MIOS: variants seen among roughly 807,000 people sequenced by gnomAD.
The protein encoded by MIOS is meiosis regulator for oocyte development, also known as GATOR2 complex protein MIOS.
MIOS carries 52 observed loss-of-function variants against 96.9 expected under a neutral mutation model. The observed-to-expected ratio is 0.54, with a 90% confidence interval of 0.43 to 0.68. The LOEUF is 0.68. Among genes scored for constraint, MIOS ranks in the 30% least tolerant of loss-of-function variants. The pLI is 0.00. For missense variants in MIOS, 1,005 were observed against 1,052.8 expected (o/e 0.95, Z 0.63); for synonymous variants, 397 against 359.5 (o/e 1.10, Z -1.18).
At chr7:7,600,064 C>T (rs1784325131) in intron 11 of MIOS, among the ~76,000 whole-genome samples, 1 of 151,972 alleles carries the variant, frequency 6.6e-6, no homozygotes, top group African/African-American at 2.4e-5. Context: ...CTGTCGGGTA[C>T]TATGTTTATT....
At chr7:7,591,065 C>G (rs932845645) in intron 9 of MIOS, among the ~76,000 whole-genome samples, 4 of 152,118 alleles carry the variant, frequency 2.6e-5, no homozygotes, top group African/African-American at 9.7e-5. Context: ...TATTTATTCA[C>G]TTATTTACCA....
At position 7,608,285 on chromosome 7, in the gene MIOS, G is replaced by T. The variant is rs558022312; in HGVS notation, c.*1193G>T. 14 of 152,190 alleles carry T rather than the reference G, an allele frequency of 9.2e-5. No homozygotes were observed. Among genetic ancestry groups the T allele is most frequent in the African/African-American group, 3.1e-4 (13 of 41,562 alleles). The allele number at this position is 152,190 out of a possible 1,614,324, so 9.4% of individuals were successfully genotyped here. The stretch of plus-strand genomic sequence containing the variant: ...AACTAGGAATTTTGTAGTTGAAGCT[G>T]TGTTCATAAAGAGTAAATCTTATTT... On this transcript the variant is annotated 3_prime_UTR_variant, in exon 13 of 13. Coordinates refer to ENST00000340080, the MANE Select transcript of MIOS (RefSeq NM_019005.4).
Position 7,589,432 on chromosome 7 carries a change from A to T in MIOS, c.1912A>T (p.Asn638Tyr). ...AAATAGATACATCGAAAAGTTGACC[A>T]ATGAAATGAAAGAGGCTGGAAATTT... ...QLNRYIEKLT[N>Y]EMKEAGNLEG... Residue 638 changes from asparagine to tyrosine, a missense_variant, in exon 9 of 13, where the codon AAT (asparagine) becomes TAT (tyrosine). Physicochemically the swap from Asn to Tyr is moderately radical, Grantham distance 143. Transcript: ENST00000340080. 1.9e-6 allele frequency: 3 copies of T among 1,613,598 alleles called. No homozygotes were observed. Among genetic ancestry groups the T allele is most frequent in the Non-Finnish European group, 2.5e-6 (3 of 1,179,670 alleles).
chr7:7,574,811 C>T (rs1172827048), intron 5 of MIOS, among the ~76,000 whole-genome samples: 1 of 150,836 alleles, frequency 6.6e-6, no homozygotes, highest in Non-Finnish European at 1.5e-5. Flanking sequence ...CTGCTTTAAA[C>T]AGTTGTTCCT....
chr7:7,596,557 T>C (rs1784208607), intron 11 of MIOS, 96 bp downstream of exon 11: 1 of 1,236,644 alleles, frequency 8.1e-7, no homozygotes, highest in Non-Finnish European at 1.1e-6. Flanking sequence ...GCTAGAGTTA[T>C]TATTTCTAAG....
chr7:7,578,712 A>T (rs1583630387), intron 5 of MIOS, among the ~76,000 whole-genome samples: 1 of 146,398 alleles, frequency 6.8e-6, no homozygotes, highest in Admixed American at 6.8e-5. Context: ...TTAAATCCTA[A>T]TTTTTTTTTT....
intron 3 of MIOS, among the ~76,000 whole-genome samples, chr7:7,570,581 G>A (rs1365781308): frequency 6.6e-6 from 1 of 151,898 alleles, no homozygotes; most frequent in Non-Finnish European, 1.5e-5. Context: ...TCACCGTAAT[G>A]TAGAATCAGT....
chr7:7,593,183 G>T (rs576606256), intron 9 of MIOS, among the ~76,000 whole-genome samples: 3 of 152,152 alleles, frequency 2.0e-5, no homozygotes, highest in Non-Finnish European at 2.9e-5. Flanking sequence ...TTAAACCAGG[G>T]ATTATATGCT....
chr7:7,571,063 T>C (rs1049220430), intron 3 of MIOS, among the ~76,000 whole-genome samples: 1 of 152,244 alleles, frequency 6.6e-6, no homozygotes, highest in Non-Finnish European at 1.5e-5. Context: ...TGCCAGGCTC[T>C]ATATATGGCA....
rs1275272785 is a variant in MIOS at position 7,572,149 on chromosome 7, C to T, written c.-40-287C>T. On this transcript the variant is annotated intron_variant, in intron 3 of 12. Transcript: ENST00000340080. This position sits in a 1 kb window ranked among gnomAD's most constrained non-coding sequence, Gnocchi z 4.8. ...AAGTTGTTATAACTCTGAAGTTAAG[C>T]TGAAGGTACTAGTAACAGTGCAATT... 6.6e-6 allele frequency among the ~76,000 whole-genome samples: 1 copy of T among 152,142 alleles called. No individual in the cohort carries two copies. Among genetic ancestry groups the T allele is most frequent in the Non-Finnish European group, 1.5e-5 (1 of 68,018 alleles).
In MIOS at chr7:7,573,698, A is replaced by T. The variant is rs752717299; in HGVS notation, c.1223A>T (p.Gln408Leu). The change falls in exon 4 of 13, where the codon CAG (glutamine) becomes CTG (leucine). Residue 408 changes from glutamine to leucine, a missense_variant. Coordinates refer to ENST00000340080, the MANE Select transcript of MIOS (RefSeq NM_019005.4). The surrounding 1 kb of genome is among the most constrained non-coding windows in gnomAD (Gnocchi z 5.0). ...ALSRYGLDTE[Q>L]VWRNHILAGN... ...TCAAGGTATGGACTTGATACAGAGC[A>T]GGTGTGGAGGAACCACATTTTAGCT... The T allele has an allele frequency of 1.9e-5, 30 of 1,613,250 alleles. No individual in the cohort carries two copies. The Middle Eastern group carries it at 6.6e-4, about 35-fold the overall frequency.
chr7:7,588,981 A>T (rs1037633593), intron 8 of MIOS, among the ~76,000 whole-genome samples: 2 of 152,118 alleles, frequency 1.3e-5, no homozygotes, highest in Admixed American at 1.3e-4. Flanking sequence ...AAGATGGAGG[A>T]ATCTTGGCAA....
At chr7:7,576,200 A>G (rs1326477164) in intron 5 of MIOS, among the ~76,000 whole-genome samples, 1 of 152,170 alleles carries the variant, frequency 6.6e-6, no homozygotes, top group African/African-American at 2.4e-5. Flanking sequence ...TACAATATGA[A>G]GTAAGCTCAT....
At position 7,606,004 on chromosome 7, in the gene MIOS, A is replaced by G. The variant is rs764951764; in HGVS notation, c.2464A>G (p.Asn822Asp). The G allele has an allele frequency of 4.3e-6, 7 of 1,613,882 alleles. No homozygotes were observed. The South Asian group carries it at 5.5e-5, about 13-fold the overall frequency. The change falls in exon 12 of 13, where the codon AAC becomes GAC. Residue 822 changes from asparagine (N) to aspartate (D), a missense_variant. By Grantham distance (23) the Asn-to-Asp change is conservative. Coordinates refer to ENST00000340080, the MANE Select transcript of MIOS (RefSeq NM_019005.4). ...GGACAAAAAATTAGCCCAATTTAAC[A>G]ACTGGTTTACATGGTGTCATAATTG... ...SKDKKLAQFN[N>D]WFTWCHNCRH...
At chr7:7,606,586 C>G (rs1404870136) in intron 12 of MIOS, among the ~76,000 whole-genome samples, 1 of 152,148 alleles carries the variant, frequency 6.6e-6, no homozygotes, top group African/African-American at 2.4e-5. Context: ...CTAATTTAAA[C>G]TCTGAGCACA....
rs375991162 is a variant in MIOS at position 7,586,482 on chromosome 7, A to G, written c.1818+677A>G. ...GGGTTTTAAGCTAAACAATAGTACTACAACTTTCTTTGCACTACTTGGCTT... is the reference window on the plus strand; with the variant it reads ...GGGTTTTAAGCTAAACAATAGTACTGCAACTTTCTTTGCACTACTTGGCTT... On this transcript the variant is annotated intron_variant, in intron 7 of 12. Transcript: ENST00000340080. Among the ~76,000 whole-genome samples the G allele has an allele frequency of 9.5e-4, 144 of 152,324 alleles. 2 individuals carry two copies. In the South Asian group the frequency reaches 0.023, roughly 24 times the overall value.
chr7:7,596,593 CTT>C (rs1383528044), intron 11 of MIOS, 132 bp downstream of exon 11: 7 of 797,450 alleles, frequency 8.8e-6, no homozygotes, highest in Non-Finnish European at 7.8e-6. Flanking sequence ...AGCTTGAAGG[CTT>C]TTATGTTCCT....
At chr7:7,569,368 A>G (rs1168709376) in intron 3 of MIOS, among the ~76,000 whole-genome samples, 1 of 152,196 alleles carries the variant, frequency 6.6e-6, no homozygotes, top group Non-Finnish European at 1.5e-5. Context: ...TCCCAGCTTC[A>G]TAACCATGCC....
At chr7:7,599,211 G>C (rs182522401) in intron 11 of MIOS, among the ~76,000 whole-genome samples, 1 of 152,194 alleles carries the variant, frequency 6.6e-6, no homozygotes, top group African/African-American at 2.4e-5. Flanking sequence ...AACCTGTTCA[G>C]AATTGATGTG....
Sources: allele counts gnomAD v4.1 joint callset (sites outside exome capture counted in the v4.1 genomes callset), GRCh38; gene constraint gnomAD v4.1.1; non-coding constraint Gnocchi (gnomAD v3.1); transcripts MANE v1.5; gene names NCBI Gene and HGNC (gene_info 2026-07-23, HGNC 2026-07-21).